Variants in KIFC3 observed in about 807,000 individuals in gnomAD.
KIFC3 encodes the protein kinesin-like protein KIFC3.
A neutral mutation model predicts 101.8 loss-of-function variants in KIFC3; 60 were observed. That is an observed-to-expected ratio of 0.59 (90% CI 0.48 to 0.73). KIFC3 has a LOEUF of 0.73. Ranked by LOEUF, KIFC3 falls within the 30% of genes least tolerant of loss-of-function variation. The probability of loss-of-function intolerance (pLI) is 0.00; values close to 1 mark genes in which losing one functional copy is unlikely to be tolerated. For synonymous variants in KIFC3, 476 were observed against 482.7 expected, an observed-to-expected ratio of 0.99 and a Z score of 0.18; for missense variants, 966 against 1,137.1, an observed-to-expected ratio of 0.85 and a Z score of 2.16.
intron 1 of KIFC3, among the ~76,000 whole-genome samples, chr16:57,823,761 T>TTG (rs542476459): frequency 0.053 from 7,237 of 136,622 alleles, 291 homozygotes; most frequent in East Asian, 0.14. Flanking sequence ...CCCGGCTACT[T>TTG]TGTGTGTGTG....
At position 57,760,427 on chromosome 16, in the gene KIFC3, C is replaced by T. The variant is rs372324997; in HGVS notation, c.2233-11G>A. On this transcript the variant is annotated splice_polypyrimidine_tract_variant and intron_variant, in intron 16 of 19. Coordinates refer to ENST00000445690, the MANE Select transcript of KIFC3 (RefSeq NM_001130100.2). ...CTCCACGGGGGACACCTAGGGGACA[C>T]GAGAGCTCACTGCCCACCCGGGCCA... The T allele has an allele frequency of 1.0e-4, 168 of 1,610,642 alleles. 1 individual carries two copies. In the African/African-American group the frequency reaches 1.9e-3, roughly 18 times the overall value.
In KIFC3 at chr16:57,770,695, G is replaced by A. The variant is rs1555607392; in HGVS notation, c.771C>T (p.Val257=). ...ACGACTCCACCTCCACTGTCTTGAT[G>A]ACATACTGCAGGGTGAGGGAGGAAT... ...LRAQSPPVKY[V]IKTVEVESSK... Residue 257 remains valine, a synonymous_variant, in exon 7 of 20, where the codon GTC becomes GTT. Transcript: ENST00000445690. 1 of 1,496,408 alleles carries A rather than the reference G, an allele frequency of 6.7e-7. No homozygotes were observed. The highest frequency in any genetic ancestry group is 1.3e-5 in the South Asian group (1 of 75,200). 92.7% of individuals were successfully genotyped at this position (1,496,408 alleles called of 1,614,324 possible). A position where few individuals can be genotyped will look rare whatever the true frequency, so the allele number is the denominator to read the frequency against.
At position 57,769,915 on chromosome 16, in the gene KIFC3, T is replaced by C. The variant is rs1019929268; in HGVS notation, c.980A>G (p.Gln327Arg). 3.7e-6 allele frequency: 6 copies of C among 1,613,712 alleles called. No individual in the cohort carries two copies. The African/African-American group carries it at 5.3e-5, about 14-fold the overall frequency. ...YESELERAHG[Q>R]MLEEMQSLEE... ...CAGGGACTGCATCTCCTCCAGCATCTGCCCATGGGCCCGCTCCAGCTCTGA... is the reference window on the plus strand; with the variant it reads ...CAGGGACTGCATCTCCTCCAGCATCCGCCCATGGGCCCGCTCCAGCTCTGA... The change falls in exon 8 of 20, where the codon CAG becomes CGG. Residue 327 changes from glutamine (Q) to arginine (R), a missense_variant. Coordinates refer to ENST00000445690, the MANE Select transcript of KIFC3 (RefSeq NM_001130100.2). The surrounding 1 kb of genome is among the most constrained non-coding windows in gnomAD (Gnocchi z 4.3).
intron 1 of KIFC3, among the ~76,000 whole-genome samples, chr16:57,831,588 G>T (rs1456369818): frequency 6.6e-6 from 1 of 152,164 alleles, no homozygotes; most frequent in East Asian, 1.9e-4. Flanking sequence ...TACTCAGGAG[G>T]CTGAAGCAGG....
At chr16:57,831,890 A>G (rs189835765) in intron 1 of KIFC3, among the ~76,000 whole-genome samples, 70 of 152,318 alleles carry the variant, frequency 4.6e-4, no homozygotes, top group Non-Finnish European at 3.2e-4. Flanking sequence ...AACTAACAGC[A>G]CAACTATAAA....
chr16:57,760,705 G>A (rs781971263), intron 16 of KIFC3, 21 bp downstream of exon 16: 36 of 1,599,954 alleles, frequency 2.3e-5, no homozygotes, highest in Admixed American at 3.3e-5. Flanking sequence ...GGACTGGCCC[G>A]CCCTAACCCA....
chr16:57,774,795 G>A (rs928392137), intron 3 of KIFC3: 127 of 1,065,538 alleles, frequency 1.2e-4, no homozygotes, highest in Non-Finnish European at 1.3e-4. Flanking sequence ...CCAAAGTGCT[G>A]GGATTACCGT....
intron 3 of KIFC3, among the ~76,000 whole-genome samples, chr16:57,790,679 G>A (rs1302531934): frequency 1.3e-5 from 2 of 152,182 alleles, no homozygotes; most frequent in Non-Finnish European, 2.9e-5. Context: ...GAGCTTGTGT[G>A]AAGAGTAACA....
intron 1 of KIFC3, among the ~76,000 whole-genome samples, chr16:57,829,972 C>T (rs1279286094): frequency 6.6e-6 from 1 of 152,168 alleles, no homozygotes; most frequent in African/African-American, 2.4e-5. Flanking sequence ...ATGCTTGCCC[C>T]TCAACTGGGA....
At chr16:57,839,807 T>C (rs917357681) in intron 1 of KIFC3, among the ~76,000 whole-genome samples, 3 of 152,166 alleles carry the variant, frequency 2.0e-5, no homozygotes, top group African/African-American at 2.4e-5. Context: ...TAGTGATTTT[T>C]TCCCCCCTGG....
chr16:57,795,239 C>T, intron 2 of KIFC3, 98 bp from the exon 3 acceptor site: 1 of 1,418,816 alleles, frequency 7.0e-7, no homozygotes, highest in African/African-American at 1.5e-5. Flanking sequence ...GCTCAGCTTT[C>T]ACACATCCCT....
chr16:57,806,871 A>G (rs546849756), upstream of KIFC3, among the ~76,000 whole-genome samples: 4 of 152,282 alleles, frequency 2.6e-5, no homozygotes, highest in East Asian at 5.8e-4. Flanking sequence ...TTGAATCCAC[A>G]TCTTCCAATC....
At chr16:57,759,968 T>C (rs2049633495) in intron 17 of KIFC3, 132 bp from the exon 18 acceptor site, 3 of 668,602 alleles carry the variant, frequency 4.5e-6, no homozygotes, top group Non-Finnish European at 7.5e-6. Flanking sequence ...GCATGATGTT[T>C]GTGCCCCAGC....
intron 1 of KIFC3, among the ~76,000 whole-genome samples, chr16:57,856,849 C>G (rs950363458): frequency 1.3e-5 from 2 of 152,182 alleles, no homozygotes; most frequent in African/African-American, 2.4e-5. Flanking sequence ...AAGAAATAGA[C>G]AGACTAAATA....
chr16:57,761,335 C>A, intron 14 of KIFC3, 78 bp downstream of exon 14: 1 of 1,596,702 alleles, frequency 6.3e-7, no homozygotes, highest in Admixed American at 1.7e-5. Flanking sequence ...GTGCTTAGGA[C>A]ACAGCAGAGC....
At chr16:57,771,114 G>A in intron 6 of KIFC3, 84 bp downstream of exon 6, 2 of 1,537,338 alleles carry the variant, frequency 1.3e-6, no homozygotes, top group Middle Eastern at 2.4e-4. Context: ...CTATTCACCA[G>A]GACAAGCCCC....
intron 3 of KIFC3, chr16:57,782,009 A>T (rs2052790983): frequency 1.0e-6 from 1 of 985,340 alleles, no homozygotes; most frequent in African/African-American, 1.7e-5. Context: ...ACACGGCACC[A>T]TGGAAAACAA....
chr16:57,818,758 C>T (rs200830858), intron 1 of KIFC3, among the ~76,000 whole-genome samples: 9 of 152,214 alleles, frequency 5.9e-5, no homozygotes, highest in Non-Finnish European at 7.3e-5. Context: ...GTAAGCTCCT[C>T]GAGGCTATTT....
At chr16:57,812,597 C>T (rs1385698142) in intron 1 of KIFC3, among the ~76,000 whole-genome samples, 6 of 152,080 alleles carry the variant, frequency 3.9e-5, no homozygotes. Flanking sequence ...AATCAAAGGG[C>T]AGGTGTGTGT....
Sources: gnomAD v4.1 joint callset for allele counts (sites outside exome capture counted in the v4.1 genomes callset) on GRCh38, gnomAD v4.1.1 for gene constraint, Gnocchi (gnomAD v3.1) non-coding constraint, MANE v1.5 for transcripts, NCBI Gene and HGNC (gene_info 2026-07-23, HGNC 2026-07-21) for gene names.